Variants in OR4K2 observed in about 807,000 individuals in gnomAD.
The protein encoded by OR4K2 is olfactory receptor 4K2.
In OR4K2, 8 loss-of-function variants were observed where a neutral mutation model predicts 10.5. That is an observed-to-expected ratio of 0.76 (90% CI 0.45 to 1.37). OR4K2 has a LOEUF of 1.37. Ranked by LOEUF, OR4K2 falls within the 40% of genes most tolerant of loss-of-function variation. The pLI is 0.00. For synonymous variants in OR4K2, 178 were observed against 133.6 expected, an observed-to-expected ratio of 1.33 and a Z score of -2.29; for missense variants, 547 against 379.5, an observed-to-expected ratio of 1.44 and a Z score of -3.67.
In OR4K2 at chr14:19,877,466, A is replaced by G. The variant is rs1566484938; in HGVS notation, c.*254A>G. The G allele has an allele frequency of 1.6e-5, 6 of 367,290 alleles. No individual in the cohort carries two copies. The highest frequency in any genetic ancestry group is 2.5e-5 in the Non-Finnish European group (5 of 199,842). The allele number at this position is 367,290 out of a possible 1,614,324, so 22.8% of individuals were successfully genotyped here. ...TCAATATCAATAATCAATTTATTGG[A>G]AAAGAGGACCAAGGAATGAGGAGAA... On this transcript the variant is annotated 3_prime_UTR_variant, in exon 2 of 2. Coordinates refer to ENST00000641885, the MANE Select transcript of OR4K2 (RefSeq NM_001005501.2).
At position 19,877,112 on chromosome 14, in the gene OR4K2, T is replaced by G. The variant is rs1168474977; in HGVS notation, c.845T>G (p.Leu282Arg). The change falls in exon 2 of 2, where the codon CTG (leucine) becomes CGG (arginine). Residue 282 changes from leucine to arginine, a missense_variant. Transcript: ENST00000641885. ...SVFYTIFTPT[L>R]NPIIYTLRNQ... is the part of the protein sequence containing the mutation. The stretch of plus-strand genomic sequence containing the variant: ...TTTTATACCATCTTTACTCCCACTC[T>G]GAACCCAATAATCTATACTTTGAGG... 6.2e-7 allele frequency: 1 copy of G among 1,607,586 alleles called. No homozygotes were observed. The highest frequency in any genetic ancestry group is 8.5e-7 in the Non-Finnish European group (1 of 1,179,814).
rs373985542 is a variant in OR4K2, at chr14:19,876,744, G to A, written c.477G>A (p.Gln159=). 8.1e-6 allele frequency: 13 copies of A among 1,614,084 alleles called. No homozygotes were observed. In the African/African-American group the frequency reaches 1.7e-4, roughly 22 times the overall value. The change falls in exon 2 of 2, where the codon CAG becomes CAA. Residue 159 remains glutamine (Q), a synonymous_variant. Transcript: ENST00000641885. ...TGGGAGTTATGCATTCAATGAGTCAGGTCATATTTGCCCTCACGTTACCAT... is the reference window on the plus strand; with the variant it reads ...TGGGAGTTATGCATTCAATGAGTCAAGTCATATTTGCCCTCACGTTACCAT... The part of the protein sequence containing the change: ...WIMGVMHSMS[Q]VIFALTLPFC...
rs1388762230 is a variant in OR4K2, at chr14:19,883,063, AGGGTCTCCCAGAGTC to A, written c.*5852_*5866del. The stretch of plus-strand genomic sequence containing the variant: ...GAAAAACCTGAGTTATTTACCATCT[AGGGTCTCCCAGAGTC>A]TGAAATATGCTGATTGCATGCTCAT... On this transcript the variant is annotated 3_prime_UTR_variant, in exon 2 of 2. Transcript: ENST00000641885. 1 of 152,312 alleles carries A rather than the reference AGGGTCTCCCAGAGTC, an allele frequency of 6.6e-6. No homozygotes were observed. Among genetic ancestry groups the A allele is most frequent in the African/African-American group, 2.4e-5 (1 of 41,446 alleles). 9.4% of individuals were successfully genotyped at this position (152,312 alleles called of 1,614,324 possible).
In OR4K2 at chr14:19,877,197, G is replaced by C. The variant is rs1198426126; in HGVS notation, c.930G>C (p.Lys310Asn). ...AAAATAGGTTTCTAAATTTTAATAA[G>C]GCAATGCCTTCATAGTTTTTGTGAC... ...KLKNRFLNFNKAMPS is the reference protein window; with the variant it reads ...KLKNRFLNFNNAMPS The change falls in exon 2 of 2, where the codon AAG becomes AAC. Residue 310 changes from lysine to asparagine, a missense_variant. Coordinates refer to ENST00000641885, the MANE Select transcript of OR4K2 (RefSeq NM_001005501.2). The C allele has an allele frequency of 6.3e-7, 1 of 1,580,682 alleles. No homozygotes were observed. Among genetic ancestry groups the C allele is most frequent in the Admixed American group, 1.7e-5 (1 of 58,402 alleles).
At position 19,876,302 on chromosome 14, in the gene OR4K2, T is replaced by C. The variant is rs1880893265; in HGVS notation, c.35T>C (p.Phe12Ser). ...GGCAATAAGTCTACCATGTCTGAAT[T>C]TGTTTTGCTGGGGCTCTCTAATTCC... is the stretch of plus-strand genomic sequence containing the variant. ...DVGNKSTMSE[F>S]VLLGLSNSWE... Residue 12 changes from phenylalanine to serine, a missense_variant, in exon 2 of 2, where the codon TTT (phenylalanine) becomes TCT (serine). Coordinates refer to ENST00000641885, the MANE Select transcript of OR4K2 (RefSeq NM_001005501.2). 6.2e-7 allele frequency: 1 copy of C among 1,613,290 alleles called. No homozygotes were observed. The highest frequency in any genetic ancestry group is 1.3e-5 in the African/African-American group (1 of 74,772).
rs990750592 is a variant in OR4K2 at position 19,882,120 on chromosome 14, A to G, written c.*4908A>G. On this transcript the variant is annotated 3_prime_UTR_variant, in exon 2 of 2. Transcript: ENST00000641885. Reference sequence around the variant, plus strand: ...GCAAAAGGCAAAAAGCCTTGGTGTCATTGCCACTCCTTCATCACCCTCAGC... The same window carrying G: ...GCAAAAGGCAAAAAGCCTTGGTGTCGTTGCCACTCCTTCATCACCCTCAGC... 2 of 152,386 alleles carry G rather than the reference A, an allele frequency of 1.3e-5. No homozygotes were observed. The highest frequency in any genetic ancestry group is 2.9e-5 in the Non-Finnish European group (2 of 68,126). 9.4% of individuals were successfully genotyped at this position (152,386 alleles called of 1,614,324 possible).
rs1320123747 is a variant in OR4K2 at position 19,878,122 on chromosome 14, G to A, written c.*910G>A. 1.3e-5 allele frequency: 2 copies of A among 152,168 alleles called. No homozygotes were observed. The highest frequency in any genetic ancestry group is 2.9e-5 in the Non-Finnish European group (2 of 68,026). The allele number at this position is 152,168 out of a possible 1,614,324, so 9.4% of individuals were successfully genotyped here. On this transcript the variant is annotated 3_prime_UTR_variant, in exon 2 of 2. Transcript: ENST00000641885. Reference sequence around the variant, plus strand: ...ATGAATCTGCATTTAGTAATACATTGTCAATGTAATAAGTATGTTTTTGTA... The same window carrying A: ...ATGAATCTGCATTTAGTAATACATTATCAATGTAATAAGTATGTTTTTGTA...
At position 19,878,649 on chromosome 14, in the gene OR4K2, G is replaced by A. The variant is rs1202218390; in HGVS notation, c.*1437G>A. 6.6e-6 allele frequency: 1 copy of A among 152,188 alleles called. No homozygotes were observed. The highest frequency in any genetic ancestry group is 1.5e-5 in the Non-Finnish European group (1 of 68,010). 9.4% of individuals were successfully genotyped at this position (152,188 alleles called of 1,614,324 possible). On this transcript the variant is annotated 3_prime_UTR_variant, in exon 2 of 2. Coordinates refer to ENST00000641885, the MANE Select transcript of OR4K2 (RefSeq NM_001005501.2). ...CAAATAAGGAAAAAACTTACAGCTTGAAAGTCTGTGATACTGTGTTTAAAG... is the reference window on the plus strand; with the variant it reads ...CAAATAAGGAAAAAACTTACAGCTTAAAAGTCTGTGATACTGTGTTTAAAG...
rs1342579834 is a variant in OR4K2, at chr14:19,883,057, C to T, written c.*5845C>T. The T allele has an allele frequency of 6.6e-6, 1 of 152,264 alleles. No individual in the cohort carries two copies. The highest frequency in any genetic ancestry group is 2.4e-5 in the African/African-American group (1 of 41,436). The allele number at this position is 152,264 out of a possible 1,614,324, so 9.4% of individuals were successfully genotyped here. ...TCTTTTGAAAAACCTGAGTTATTTA[C>T]CATCTAGGGTCTCCCAGAGTCTGAA... On this transcript the variant is annotated 3_prime_UTR_variant, in exon 2 of 2. Transcript: ENST00000641885.
rs369726984 is a variant in OR4K2 at position 19,882,829 on chromosome 14, C to CTTTTTTTTTTTTTTTTTTTTTTTTT, written c.*5633_*5634insTTTTTTTTTTTTTTTTTTTTTTTTT. 8.1e-6 allele frequency: 1 copy of CTTTTTTTTTTTTTTTTTTTTTTTTT among 123,412 alleles called. No homozygotes were observed. The highest frequency in any genetic ancestry group is 3.1e-5 in the African/African-American group (1 of 32,174). The allele number at this position is 123,412 out of a possible 1,614,324, so 7.6% of individuals were successfully genotyped here. On this transcript the variant is annotated 3_prime_UTR_variant, in exon 2 of 2. Coordinates refer to ENST00000641885, the MANE Select transcript of OR4K2 (RefSeq NM_001005501.2). ...TTATCTTTCTTTTTCTTTTTTTTTT[C>CTTTTTTTTTTTTTTTTTTTTTTTTT]TTTTTTTTTTTTTTTTGAGACGGAG... is the stretch of plus-strand genomic sequence containing the variant.
chr14:19,877,852 T>C lies in OR4K2; in HGVS notation c.*640T>C, dbSNP rs868381203. On this transcript the variant is annotated 3_prime_UTR_variant, in exon 2 of 2. Coordinates refer to ENST00000641885, the MANE Select transcript of OR4K2 (RefSeq NM_001005501.2). ...ATACAGTCATGATATTTCTTTCTGA[T>C]AATGCGGAATGAGTAGGGAGGCTGG... 4 of 152,424 alleles carry C rather than the reference T, an allele frequency of 2.6e-5. No homozygotes were observed. The highest frequency in any genetic ancestry group is 1.3e-4 in the Admixed American group (2 of 15,272). The allele number at this position is 152,424 out of a possible 1,614,324, so 9.4% of individuals were successfully genotyped here.
rs756950043 is a variant in OR4K2 at position 19,877,069 on chromosome 14, G to C, written c.802G>C (p.Asp268His). ...GTGGCCACTAAGCAGCTTTCTCACA[G>C]ACAAGATTCTGTCTGTGTTTTATAC... ...YMWPLSSFLT[D>H]KILSVFYTIF... The change falls in exon 2 of 2, where the codon GAC (aspartate) becomes CAC (histidine). Residue 268 changes from aspartate to histidine, a missense_variant. Asp to His is a moderately conservative substitution (Grantham distance 81, BLOSUM62 -1). Coordinates refer to ENST00000641885, the MANE Select transcript of OR4K2 (RefSeq NM_001005501.2). 1 of 1,612,020 alleles carries C rather than the reference G, an allele frequency of 6.2e-7. No homozygotes were observed.
chr14:19,875,432 C>G lies in OR4K2; in HGVS notation c.-726C>G, dbSNP rs1880870160. On this transcript the variant is annotated 5_prime_UTR_variant, in exon 1 of 2. Transcript: ENST00000641885. ...TGTTAACATTTACAGAAGAAGAATT[C>G]AAACAGAGGTGAAATGAAAGAGACT... 1 of 152,176 alleles carries G rather than the reference C, an allele frequency of 6.6e-6. No homozygotes were observed. Among genetic ancestry groups the G allele is most frequent in the Non-Finnish European group, 1.5e-5 (1 of 68,006 alleles). The allele number at this position is 152,176 out of a possible 1,614,324, so 9.4% of individuals were successfully genotyped here.
rs1410288995 is a variant in OR4K2 at position 19,883,686 on chromosome 14, T to C, written c.*6474T>C. ...ATTGCACTCAAGAGATTTTAAAACG[T>C]TTAAATTTCTAAATTTCCTTTAAGT... On this transcript the variant is annotated 3_prime_UTR_variant, in exon 2 of 2. Coordinates refer to ENST00000641885, the MANE Select transcript of OR4K2 (RefSeq NM_001005501.2). 6.6e-6 allele frequency: 1 copy of C among 152,238 alleles called. No homozygotes were observed. Among genetic ancestry groups the C allele is most frequent in the African/African-American group, 2.4e-5 (1 of 41,472 alleles). The allele number at this position is 152,238 out of a possible 1,614,324, so 9.4% of individuals were successfully genotyped here.
rs957410182 is a variant in OR4K2, at chr14:19,882,181, T to A, written c.*4969T>A. 1 of 152,376 alleles carries A rather than the reference T, an allele frequency of 6.6e-6. No homozygotes were observed. Among genetic ancestry groups the A allele is most frequent in the Non-Finnish European group, 1.5e-5 (1 of 68,166 alleles). The allele number at this position is 152,376 out of a possible 1,614,324, so 9.4% of individuals were successfully genotyped here. On this transcript the variant is annotated 3_prime_UTR_variant, in exon 2 of 2. Coordinates refer to ENST00000641885, the MANE Select transcript of OR4K2 (RefSeq NM_001005501.2). ...GTGGTGAATAGTCACTGGACACAGG[T>A]ATGGCTGCCACAGTTGCTTTCCCTC...
rs922950208 is a variant in OR4K2, at chr14:19,878,914, C to T, written c.*1702C>T. The T allele has an allele frequency of 6.6e-6, 1 of 152,204 alleles. No individual in the cohort carries two copies. The highest frequency in any genetic ancestry group is 2.4e-5 in the African/African-American group (1 of 41,468). The allele number at this position is 152,204 out of a possible 1,614,324, so 9.4% of individuals were successfully genotyped here. On this transcript the variant is annotated 3_prime_UTR_variant, in exon 2 of 2. Coordinates refer to ENST00000641885, the MANE Select transcript of OR4K2 (RefSeq NM_001005501.2). ...GTGCTTAAAAATGCTAGAAATAATT[C>T]TTTTACTTGACATATTTCTTTGTCC...
rs1566484470 is a variant in OR4K2, at chr14:19,876,599, A to G, written c.332A>G (p.Glu111Gly). The change falls in exon 2 of 2, where the codon GAG becomes GGG. Residue 111 changes from glutamate to glycine, a missense_variant. Transcript: ENST00000641885. ...TTTCTCCACCTTTTCACTGGAACTG[A>G]GATCATCTTACTCATGGCCATGTCC... ...IFFLHLFTGT[E>G]IILLMAMSFD... 3 of 1,614,180 alleles carry G rather than the reference A, an allele frequency of 1.9e-6. No homozygotes were observed. The highest frequency in any genetic ancestry group is 1.7e-6 in the Non-Finnish European group (2 of 1,180,014).
At position 19,875,766 on chromosome 14, in the gene OR4K2, A is replaced by C. The variant is rs1880878377; in HGVS notation, c.-392A>C. On this transcript the variant is annotated 5_prime_UTR_variant, in exon 1 of 2. Transcript: ENST00000641885. ...CAAGAGCTCTACAACTGTCCATCGA[A>C]ACTTCACTATAATGTGCTTAAGAGC... The C allele has an allele frequency of 6.5e-6, 1 of 153,322 alleles. No individual in the cohort carries two copies. Among genetic ancestry groups the C allele is most frequent in the Non-Finnish European group, 1.5e-5 (1 of 68,844 alleles). 9.5% of individuals were successfully genotyped at this position (153,322 alleles called of 1,614,324 possible).
rs1433477525 is a variant in OR4K2 at position 19,883,634 on chromosome 14, GTAGT to G, written c.*6425_*6428del. The G allele has an allele frequency of 2.0e-5, 3 of 152,306 alleles. No individual in the cohort carries two copies. Among genetic ancestry groups the G allele is most frequent in the Admixed American group, 6.5e-5 (1 of 15,308 alleles). 9.4% of individuals were successfully genotyped at this position (152,306 alleles called of 1,614,324 possible). A position where few individuals can be genotyped will look rare whatever the true frequency, so the allele number is the denominator to read the frequency against. On this transcript the variant is annotated 3_prime_UTR_variant, in exon 2 of 2. Transcript: ENST00000641885. ...ATATTAGTAGTTAAATAATTAAATA[GTAGT>G]TAAAGTAATTAAATAGGACTCTATT...
Sources: gnomAD v4.1 joint callset for allele counts on GRCh38, gnomAD v4.1.1 for gene constraint, MANE v1.5 for transcripts, NCBI Gene and HGNC (gene_info 2026-07-23, HGNC 2026-07-21) for gene names.